Variants in ENTREP2 observed in about 807,000 individuals in gnomAD.
ENTREP2 encodes protein ENTREP2.
At chr15:29,570,798 C>A in the ENTREP2 span, 1 of 612,328 alleles carries the variant, frequency 1.6e-6, no homozygotes, top group Non-Finnish European at 2.0e-6. Flanking sequence ...CACAGAGGGT[C>A]CGAGGCAAGT....
the ENTREP2 span, among the ~76,000 whole-genome samples, chr15:29,656,786 A>G: frequency 4.7e-4 from 72 of 152,208 alleles, 1 homozygote; most frequent in South Asian, 4.4e-3. Context: ...TCTGAAAAAC[A>G]GTTCGTTTCT....
At chr15:29,549,395 G>A in the ENTREP2 span, among the ~76,000 whole-genome samples, 5 of 151,496 alleles carry the variant, frequency 3.3e-5, no homozygotes, top group South Asian at 4.2e-4. Flanking sequence ...TTAGCCTCCC[G>A]AGTAGCTGGG....
At chr15:29,587,138 C>CGT in the ENTREP2 span, among the ~76,000 whole-genome samples, 3,019 of 123,932 alleles carry the variant, frequency 0.024, 59 homozygotes, top group African/African-American at 0.056. Flanking sequence ...TGTAGCTAAC[C>CGT]GTGTGTGTGT....
At chr15:29,570,287 G>T in the ENTREP2 span, among the ~76,000 whole-genome samples, 1 of 151,748 alleles carries the variant, frequency 6.6e-6, no homozygotes, top group African/African-American at 2.4e-5. Context: ...GGGAATCAGC[G>T]CAATAGGAGC....
At chr15:29,158,990 C>T in the ENTREP2 span, among the ~76,000 whole-genome samples, 4 of 152,078 alleles carry the variant, frequency 2.6e-5, no homozygotes, top group Non-Finnish European at 4.4e-5. Flanking sequence ...TGACAATGTA[C>T]ATACATATAG....
the ENTREP2 span, among the ~76,000 whole-genome samples, chr15:29,216,260 T>C: frequency 6.6e-6 from 1 of 152,296 alleles, no homozygotes; most frequent in South Asian, 2.1e-4. Context: ...TCTTGGCTGA[T>C]AATTGTTTTG....
At chr15:29,124,609 T>A in the ENTREP2 span, 1 of 1,249,062 alleles carries the variant, frequency 8.0e-7, no homozygotes, top group African/African-American at 1.5e-5. Context: ...TTGGAAACAA[T>A]GTAGCCAAGG....
the ENTREP2 span, among the ~76,000 whole-genome samples, chr15:29,161,071 G>A: frequency 6.6e-6 from 1 of 152,174 alleles, no homozygotes; most frequent in Non-Finnish European, 1.5e-5. Context: ...ATTGGTCATG[G>A]ACCTGACGTT....
the ENTREP2 span, among the ~76,000 whole-genome samples, chr15:29,601,188 C>T: frequency 6.7e-6 from 1 of 148,910 alleles, no homozygotes; most frequent in Admixed American, 6.6e-5. Context: ...TGAGCCACCG[C>T]GCCCGGCCTG....
chr15:29,293,338 C>A, the ENTREP2 span, among the ~76,000 whole-genome samples: 2 of 152,088 alleles, frequency 1.3e-5, no homozygotes, highest in African/African-American at 4.8e-5. Context: ...GCAAGCTCCA[C>A]CTCCTGGGTT....
At chr15:29,625,732 G>T in the ENTREP2 span, among the ~76,000 whole-genome samples, 4 of 152,148 alleles carry the variant, frequency 2.6e-5, no homozygotes, top group African/African-American at 9.7e-5. Context: ...ATTTTCCAGA[G>T]TGGTTATACC....
chr15:29,274,984 TC>T, the ENTREP2 span, among the ~76,000 whole-genome samples: 1 of 152,218 alleles, frequency 6.6e-6, no homozygotes, highest in Admixed American at 6.5e-5. Context: ...TGGCTTTGAA[TC>T]CCCATTGAGT....
the ENTREP2 span, among the ~76,000 whole-genome samples, chr15:29,634,108 C>T: frequency 1.3e-5 from 2 of 152,058 alleles, no homozygotes; most frequent in Admixed American, 6.6e-5. Context: ...GCTGGGGATG[C>T]CCTGGAGACG....
At chr15:29,408,411 G>A in the ENTREP2 span, among the ~76,000 whole-genome samples, 5 of 84,824 alleles carry the variant, frequency 5.9e-5, no homozygotes, top group African/African-American at 3.9e-4. Context: ...AGGGGTAACA[G>A]ATCCCAAAAG....
the ENTREP2 span, among the ~76,000 whole-genome samples, chr15:29,404,580 C>T: frequency 3.1e-3 from 478 of 152,002 alleles, 3 homozygotes; most frequent in Middle Eastern, 6.8e-3. Context: ...TCACACTCCC[C>T]AGCTGCTCGT....
At chr15:29,357,124 TCACG>T in the ENTREP2 span, among the ~76,000 whole-genome samples, 1 of 152,072 alleles carries the variant, frequency 6.6e-6, no homozygotes, top group Non-Finnish European at 1.5e-5. Context: ...CTACAATTGG[TCACG>T]CATAAAAGAA....
At chr15:29,444,592 G>A in the ENTREP2 span, among the ~76,000 whole-genome samples, 6 of 151,124 alleles carry the variant, frequency 4.0e-5, no homozygotes, top group South Asian at 2.1e-4. Context: ...TCAGCCTCCC[G>A]AATACCTGGC....
the ENTREP2 span, among the ~76,000 whole-genome samples, chr15:29,587,803 C>T: frequency 6.6e-6 from 1 of 152,154 alleles, no homozygotes; most frequent in Middle Eastern, 3.4e-3. Flanking sequence ...GGACTACAGG[C>T]ATGCACCACC....
chr15:29,269,465 T>A, the ENTREP2 span: 2 of 1,613,136 alleles, frequency 1.2e-6, no homozygotes, highest in Non-Finnish European at 1.7e-6. Context: ...TGCTTCTGGC[T>A]CCTGGGCCCC....
Sources: gnomAD v4.1 joint callset for allele counts (sites outside exome capture counted in the v4.1 genomes callset) on GRCh38, gnomAD v4.1.1 for gene constraint, MANE v1.5 for transcripts, NCBI Gene and HGNC (gene_info 2026-07-23, HGNC 2026-07-21) for gene names.